Variants in RBFOX1 observed in about 807,000 individuals in gnomAD.
The protein encoded by RBFOX1 is RNA binding fox-1 homolog 1.
Under a neutral mutation model 57.7 loss-of-function variants are expected in RBFOX1, and 8 were observed. The ratio of observed to expected loss-of-function variants is 0.14; its 90% CI spans 0.08 to 0.25. The LOEUF is 0.25. RBFOX1 is among the 10% of genes least tolerant of loss of function. The pLI is 1.00. For synonymous variants in RBFOX1, 326 were observed against 222.4 expected, an observed-to-expected ratio of 1.47 and a Z score of -4.15; for missense variants, 611 against 548.5, an observed-to-expected ratio of 1.11 and a Z score of -1.14.
intron 3 of RBFOX1, among the ~76,000 whole-genome samples, chr16:5,836,482 G>A (rs1198744049): frequency 2.0e-5 from 3 of 152,136 alleles, no homozygotes; most frequent in Non-Finnish European, 4.4e-5. Flanking sequence ...ACAGAACCAT[G>A]ACCCACCTTC....
chr16:5,449,011 TCA>T (rs1176747928), intron 1 of RBFOX1, among the ~76,000 whole-genome samples: 1 of 152,072 alleles, frequency 6.6e-6, no homozygotes, highest in Non-Finnish European at 1.5e-5. Context: ...CGTGGCCAGG[TCA>T]CAGAGGTATT....
intron 1 of RBFOX1, among the ~76,000 whole-genome samples, chr16:6,209,712 A>G (rs1340823895): frequency 6.6e-6 from 1 of 152,196 alleles, no homozygotes; most frequent in Middle Eastern, 3.2e-3. Flanking sequence ...GGGAGGGGCA[A>G]GCCATTGTCA....
At chr16:6,837,242 C>A (rs115670747) in intron 3 of RBFOX1, among the ~76,000 whole-genome samples, 3,360 of 152,256 alleles carry the variant, frequency 0.022, 123 homozygotes, top group African/African-American at 0.076. Flanking sequence ...TTAACACTTG[C>A]ATATTGCTCT....
chr16:7,569,204 C>T (rs35355469), intron 5 of RBFOX1, among the ~76,000 whole-genome samples: 47,512 of 152,040 alleles, frequency 0.31, 8,831 homozygotes, highest in Non-Finnish European at 0.42. Flanking sequence ...GTCAGATGAC[C>T]ATACACCTAG....
intron 4 of RBFOX1, among the ~76,000 whole-genome samples, chr16:7,442,696 CT>C (rs1236470843): frequency 6.6e-6 from 1 of 152,060 alleles, no homozygotes; most frequent in Non-Finnish European, 1.5e-5. Flanking sequence ...GGTCATGAAT[CT>C]TTTACGAGGG....
intron 4 of RBFOX1, among the ~76,000 whole-genome samples, chr16:7,106,599 C>T (rs537287402): frequency 1.3e-5 from 2 of 152,096 alleles, no homozygotes; most frequent in Non-Finnish European, 2.9e-5. Flanking sequence ...AGATATCTGT[C>T]TATCTCAAGG....
At chr16:5,877,713 G>A (rs931980269) in intron 4 of RBFOX1, among the ~76,000 whole-genome samples, 5 of 152,238 alleles carry the variant, frequency 3.3e-5, no homozygotes, top group African/African-American at 1.2e-4. Flanking sequence ...GCAGCTCAGA[G>A]GCAGTTGTGC....
chr16:7,439,118 C>G (rs1206380893), intron 4 of RBFOX1, among the ~76,000 whole-genome samples: 1 of 152,164 alleles, frequency 6.6e-6, no homozygotes, highest in African/African-American at 2.4e-5. Flanking sequence ...CTCGCGCTGG[C>G]AAATGGATGC....
At chr16:6,984,241 C>A (rs757643554) in intron 3 of RBFOX1, among the ~76,000 whole-genome samples, 3 of 152,126 alleles carry the variant, frequency 2.0e-5, no homozygotes, top group Non-Finnish European at 2.9e-5. Context: ...GAGTAAAACT[C>A]CATCTTAAAC....
At chr16:6,852,569 C>T (rs189852979) in intron 3 of RBFOX1, among the ~76,000 whole-genome samples, 6 of 152,316 alleles carry the variant, frequency 3.9e-5, no homozygotes, top group Middle Eastern at 3.4e-3. Context: ...ACTAGCTGTC[C>T]AGGAAAGGTG....
intron 13 of RBFOX1, among the ~76,000 whole-genome samples, chr16:7,669,316 G>A (rs914824731): frequency 1.3e-5 from 2 of 152,116 alleles, no homozygotes; most frequent in African/African-American, 2.4e-5. Context: ...AGACCAAAAA[G>A]TATAGCATTT....
At chr16:5,873,092 G>A (rs11076980) in intron 4 of RBFOX1, among the ~76,000 whole-genome samples, 7,069 of 152,282 alleles carry the variant, frequency 0.046, 204 homozygotes, top group Middle Eastern at 0.075. Context: ...AGAGGTTGCA[G>A]TGAGCTACTA....
chr16:7,669,072 T>C (rs1273420501), intron 13 of RBFOX1, among the ~76,000 whole-genome samples: 1 of 152,174 alleles, frequency 6.6e-6, no homozygotes, highest in Non-Finnish European at 1.5e-5. Context: ...GCCCAGCTAA[T>C]CCATGTATTT....
chr16:6,955,852 C>A (rs1446450353), intron 3 of RBFOX1, among the ~76,000 whole-genome samples: 1 of 151,966 alleles, frequency 6.6e-6, no homozygotes, highest in African/African-American at 2.4e-5. Context: ...ATTATAGATG[C>A]ATGCCACCAT....
intron 3 of RBFOX1, among the ~76,000 whole-genome samples, chr16:6,679,502 C>T (rs952021107): frequency 1.3e-5 from 2 of 152,068 alleles, no homozygotes; most frequent in Admixed American, 6.6e-5. Context: ...GCTTCATGGT[C>T]GCATTCTGGA....
intron 3 of RBFOX1, among the ~76,000 whole-genome samples, chr16:6,767,668 C>A (rs1415488276): frequency 6.6e-6 from 1 of 151,986 alleles, no homozygotes; most frequent in Admixed American, 6.6e-5. Flanking sequence ...GTAATCCCAA[C>A]ACTTTGGGAG....
At chr16:5,316,835 G>A (rs2064252310) in intron 1 of RBFOX1, among the ~76,000 whole-genome samples, 1 of 152,202 alleles carries the variant, frequency 6.6e-6, no homozygotes, top group Admixed American at 6.5e-5. Context: ...TGTTGCTGGA[G>A]GAGATTGGCA....
chr16:7,115,739 C>A (rs2065763392), intron 4 of RBFOX1, among the ~76,000 whole-genome samples: 1 of 151,754 alleles, frequency 6.6e-6, no homozygotes, highest in Non-Finnish European at 1.5e-5. Context: ...CATTCCATTT[C>A]TCATGCTGCA....
chr16:6,116,070 C>G (rs969115383), intron 1 of RBFOX1, among the ~76,000 whole-genome samples: 1 of 152,130 alleles, frequency 6.6e-6, no homozygotes, highest in African/African-American at 2.4e-5. Flanking sequence ...CACATATACA[C>G]CATAGAATGC....
Sources: gnomAD v4.1 joint callset for allele counts (sites outside exome capture counted in the v4.1 genomes callset) on GRCh38, gnomAD v4.1.1 for gene constraint, MANE v1.5 for transcripts, NCBI Gene and HGNC (gene_info 2026-07-23, HGNC 2026-07-21) for gene names.